Variants in CACNA1I observed in about 807,000 individuals in gnomAD.
CACNA1I encodes calcium voltage-gated channel subunit alpha1 I.
In CACNA1I, 74 loss-of-function variants were observed where a neutral mutation model predicts 201.6. That is an observed-to-expected ratio of 0.37 (90% CI 0.30 to 0.45). The LOEUF (loss-of-function observed/expected upper bound fraction) is 0.45. CACNA1I is among the 20% of genes least tolerant of loss of function. The pLI is 1.00. For missense variants in CACNA1I, 2,346 were observed against 3,138.1 expected (o/e 0.75, Z 6.03); for synonymous variants, 1,431 against 1,345.2 (o/e 1.06, Z -1.40).
At chr22:39,574,471 T>A (rs1044479504) in intron 1 of CACNA1I, among the ~76,000 whole-genome samples, 3 of 151,334 alleles carry the variant, frequency 2.0e-5, no homozygotes, top group African/African-American at 7.3e-5. Context: ...TTTAGGGGCT[T>A]GGGATGGGGT....
intron 33 of CACNA1I, 122 bp from the exon 34 acceptor site, chr22:39,680,808 T>C: frequency 9.2e-7 from 1 of 1,088,200 alleles, no homozygotes; most frequent in African/African-American, 1.6e-5. Flanking sequence ...AGCAGGTGTC[T>C]GGACCTTTCT....
intron 4 of CACNA1I, among the ~76,000 whole-genome samples, chr22:39,631,224 C>G (rs1934052941): frequency 6.6e-6 from 1 of 152,290 alleles, no homozygotes; most frequent in Middle Eastern, 3.4e-3. Context: ...CAAGGCCACC[C>G]TACTGGGACT....
intron 6 of CACNA1I, among the ~76,000 whole-genome samples, chr22:39,642,176 G>A (rs1360371541): frequency 6.6e-6 from 1 of 152,190 alleles, no homozygotes; most frequent in African/African-American, 2.4e-5. Flanking sequence ...GAGATGCAGG[G>A]TGTGAGGTGA....
At chr22:39,673,717 G>C (rs1000123232) in intron 28 of CACNA1I, among the ~76,000 whole-genome samples, 3 of 152,198 alleles carry the variant, frequency 2.0e-5, no homozygotes, top group Non-Finnish European at 2.9e-5. Context: ...GTTTCCATGA[G>C]TATGCCCCGT....
chr22:39,626,601 T>C (rs1156304742), intron 4 of CACNA1I, among the ~76,000 whole-genome samples: 1 of 147,630 alleles, frequency 6.8e-6, no homozygotes, highest in Non-Finnish European at 1.5e-5. Context: ...GTGGCTAAAG[T>C]TTTTTTTTTT....
At chr22:39,652,488 C>T (rs1212176035) in intron 10 of CACNA1I, among the ~76,000 whole-genome samples, 1 of 152,260 alleles carries the variant, frequency 6.6e-6, no homozygotes, top group African/African-American at 2.4e-5. Flanking sequence ...AGGCCAGGCC[C>T]TGTGCCAGCA....
At chr22:39,612,952 A>G (rs551651903) in intron 3 of CACNA1I, among the ~76,000 whole-genome samples, 2 of 152,324 alleles carry the variant, frequency 1.3e-5, no homozygotes, top group South Asian at 4.1e-4. Flanking sequence ...GAGTCATCAC[A>G]GAGCTGCCTC....
At position 39,666,056 on chromosome 22, in the gene CACNA1I, C is replaced by T. The variant is rs1224372643; in HGVS notation, c.4104+50C>T. The T allele has an allele frequency of 3.2e-6, 5 of 1,581,684 alleles. No individual in the cohort carries two copies. Among genetic ancestry groups the T allele is most frequent in the Non-Finnish European group, 4.3e-6 (5 of 1,161,846 alleles). ...ATCAGACCCTCCCCTCTCTTGGATG[C>T]CAGTGGCTCTGGGAATCACAGACCT... On this transcript the variant is annotated intron_variant, in intron 23 of 36. Transcript: ENST00000402142. The surrounding 1 kb of genome is among the most constrained non-coding windows in gnomAD (Gnocchi z 4.1).
intron 16 of CACNA1I, among the ~76,000 whole-genome samples, chr22:39,661,683 C>A (rs1198154725): frequency 6.6e-6 from 1 of 152,206 alleles, no homozygotes; most frequent in African/African-American, 2.4e-5. Context: ...TCCTTACCTG[C>A]AAAATGGGAA....
intron 3 of CACNA1I, among the ~76,000 whole-genome samples, chr22:39,606,759 T>G (rs965034225): frequency 1.3e-5 from 2 of 152,236 alleles, no homozygotes; most frequent in African/African-American, 4.8e-5. Context: ...CTTGAACTCC[T>G]GACCTCAAGT....
chr22:39,589,259 C>T (rs186651580), intron 1 of CACNA1I, among the ~76,000 whole-genome samples: 379 of 152,278 alleles, frequency 2.5e-3, no homozygotes, highest in Non-Finnish European at 3.0e-3. Context: ...ATAACACAGA[C>T]GTGCCTGTTC....
intron 4 of CACNA1I, among the ~76,000 whole-genome samples, chr22:39,628,193 C>G (rs574367459): frequency 1.3e-5 from 2 of 152,284 alleles, no homozygotes; most frequent in East Asian, 1.9e-4. Context: ...ACTCATGGAT[C>G]GATTCCATCA....
intron 4 of CACNA1I, among the ~76,000 whole-genome samples, chr22:39,621,898 C>T (rs920212028): frequency 6.6e-6 from 1 of 152,110 alleles, no homozygotes; most frequent in African/African-American, 2.4e-5. Flanking sequence ...TGTCCTCATC[C>T]CCTCCAATCC....
At chr22:39,571,897 G>A (rs1932197203) in intron 1 of CACNA1I, among the ~76,000 whole-genome samples, 1 of 152,260 alleles carries the variant, frequency 6.6e-6, no homozygotes, top group Admixed American at 6.5e-5. Context: ...CATCGTGGGT[G>A]CTCTGGCAGT....
chr22:39,678,168 G>A, intron 31 of CACNA1I, 60 bp downstream of exon 31: 5 of 1,567,376 alleles, frequency 3.2e-6, no homozygotes, highest in Middle Eastern at 1.7e-4. Flanking sequence ...TGAGGATGCT[G>A]GTCCTGCTGC....
At position 39,648,053 on chromosome 22, in the gene CACNA1I, G is replaced by C. The variant is rs1312393022; in HGVS notation, c.1567+127G>C. On this transcript the variant is annotated intron_variant, in intron 9 of 36. Coordinates refer to ENST00000402142, the MANE Select transcript of CACNA1I (RefSeq NM_021096.4). The surrounding 1 kb of genome is among the most constrained non-coding windows in gnomAD (Gnocchi z 5.4). ...AGCAGCCGCGACCCTCTGCAGGCCTGTCTCCCTCTATAAAGTGAGGACAGG... is the reference window on the plus strand; with the variant it reads ...AGCAGCCGCGACCCTCTGCAGGCCTCTCTCCCTCTATAAAGTGAGGACAGG... 1 of 797,634 alleles carries C rather than the reference G, an allele frequency of 1.3e-6. No individual in the cohort carries two copies. Among genetic ancestry groups the C allele is most frequent in the Non-Finnish European group, 2.0e-6 (1 of 497,338 alleles). 49.4% of individuals were successfully genotyped at this position (797,634 alleles called of 1,614,324 possible). A position where few individuals can be genotyped will look rare whatever the true frequency, so the allele number is the denominator to read the frequency against.
At position 39,665,058 on chromosome 22, in the gene CACNA1I, G is replaced by C. The variant is rs189515791; in HGVS notation, c.3851+135G>C. ...CAATAGTGAGTGCCAAACACCCTGA[G>C]CTGTTCCCGGGGGAGGGGTCTGCAG... On this transcript the variant is annotated intron_variant, in intron 21 of 36. Transcript: ENST00000402142. The surrounding 1 kb of genome is among the most constrained non-coding windows in gnomAD (Gnocchi z 5.5). 22 of 823,290 alleles carry C rather than the reference G, an allele frequency of 2.7e-5. No individual in the cohort carries two copies. The highest frequency in any genetic ancestry group is 4.8e-5 in the Admixed American group (2 of 41,906). The allele number at this position is 823,290 out of a possible 1,614,324, so 51.0% of individuals were successfully genotyped here.
In CACNA1I at chr22:39,686,914, G is replaced by T. The variant is rs992465964; in HGVS notation, c.*509G>T. ...CAGGCCTCTGAGGGCACCAGGCCCT[G>T]GAGAAGAGGTGCAATTCAGGGTGTG... On this transcript the variant is annotated 3_prime_UTR_variant, in exon 37 of 37. Coordinates refer to ENST00000402142, the MANE Select transcript of CACNA1I (RefSeq NM_021096.4). 1 of 151,754 alleles carries T rather than the reference G, an allele frequency of 6.6e-6. No homozygotes were observed. Among genetic ancestry groups the T allele is most frequent in the Admixed American group, 6.6e-5 (1 of 15,240 alleles). 9.4% of individuals were successfully genotyped at this position (151,754 alleles called of 1,614,324 possible).
In CACNA1I at chr22:39,679,280, C is replaced by T. The variant is rs371218079; in HGVS notation, c.5229C>T (p.Asp1743=). The change falls in exon 32 of 37, where the codon GAC becomes GAT. Residue 1743 remains aspartate (D), a synonymous_variant. Transcript: ENST00000402142. ...LDDSNKEAQE[D]AEMDAELELE... ...ACAGCAACAAGGAGGCGCAGGAGGA[C>T]GCCGAGATGGATGCCGAGCTCGAGC... The T allele has an allele frequency of 1.2e-4, 192 of 1,575,782 alleles. 1 individual carries two copies. Among genetic ancestry groups the T allele is most frequent in the Non-Finnish European group, 1.1e-4 (130 of 1,161,574 alleles).
Sources: gnomAD v4.1 joint callset for allele counts (sites outside exome capture counted in the v4.1 genomes callset) on GRCh38, gnomAD v4.1.1 for gene constraint, Gnocchi (gnomAD v3.1) non-coding constraint, MANE v1.5 for transcripts, NCBI Gene and HGNC (gene_info 2026-07-23, HGNC 2026-07-21) for gene names.